The following CLUH variants were observed in gnomAD, a reference collection of about 807,000 sequenced individuals.
CLUH encodes the protein CLUH binding protein of NUMT mRNA, also known as clustered mitochondria protein homolog.
CLUH carries 77 observed loss-of-function variants against 139.3 expected under a neutral mutation model. The ratio of observed to expected loss-of-function variants is 0.55; its 90% confidence interval spans 0.46 to 0.67. The LOEUF (loss-of-function observed/expected upper bound fraction) is 0.67. Among genes scored for constraint, CLUH ranks in the 30% least tolerant of loss-of-function variants. The pLI is 0.00. For synonymous variants in CLUH, 999 were observed against 801.6 expected (o/e 1.25, Z -4.16); for missense variants, 1,876 against 1,875.8 (o/e 1.00, Z 0.00).
Position 2,695,355 on chromosome 17 carries a change from C to T in CLUH, c.2544+19G>A, listed in dbSNP as rs745932367. 6.2e-7 allele frequency: 1 copy of T among 1,613,074 alleles called. No individual in the cohort carries two copies. The highest frequency in any genetic ancestry group is 8.5e-7 in the Non-Finnish European group (1 of 1,179,700). ...CAGTCCCACAGCTCCCGTTCCGCCCCACCCCGGGCAGCACTCACAAAGACG... is the reference window on the plus strand; with the variant it reads ...CAGTCCCACAGCTCCCGTTCCGCCCTACCCCGGGCAGCACTCACAAAGACG... On this transcript the variant is annotated intron_variant, in intron 14 of 25. Coordinates refer to ENST00000651024, the MANE Select transcript of CLUH (RefSeq NM_001366661.1).
rs1428180675 is a variant in CLUH at position 2,696,866 on chromosome 17, G to A, written c.2038C>T (p.Leu680=). Residue 680 remains leucine, a synonymous_variant, in exon 11 of 26, where the codon CTG becomes TTG. Coordinates refer to ENST00000651024, the MANE Select transcript of CLUH (RefSeq NM_001366661.1). Reference sequence around the variant, plus strand: ...AAGGAGGAAGGACCACCATTTTCCAGGGAGGAGGGGGTCTCCAGCTGGCTG... The same window carrying A: ...AAGGAGGAAGGACCACCATTTTCCAAGGAGGAGGGGGTCTCCAGCTGGCTG... ...NASQLETPSS[L]ENGGPSSLES... is the part of the protein sequence containing the mutation. 5 of 1,613,184 alleles carry A rather than the reference G, an allele frequency of 3.1e-6. No individual in the cohort carries two copies. The East Asian group carries it at 1.1e-4, about 36-fold the overall frequency.
intron 16 of CLUH, 27 bp downstream of exon 16, chr17:2,694,830 A>ACCCCCC: frequency 2.7e-6 from 2 of 734,658 alleles, no homozygotes; most frequent in Non-Finnish European, 4.0e-6. Flanking sequence ...AATCCCACCC[A>ACCCCCC]CCCCACCGCC....
At chr17:2,697,541 T>C (rs1448962330) in intron 10 of CLUH, among the ~76,000 whole-genome samples, 2 of 151,766 alleles carry the variant, frequency 1.3e-5, no homozygotes, top group Admixed American at 1.3e-4. Flanking sequence ...GACATGGCCA[T>C]TTCCCCATTT....
intron 10 of CLUH, 146 bp from the exon 11 acceptor site, chr17:2,697,088 C>G: frequency 1.6e-6 from 1 of 633,244 alleles, no homozygotes; most frequent in Non-Finnish European, 2.7e-6. Flanking sequence ...GCAGAAAAAC[C>G]AAGATCTCCC....
intron 1 of CLUH, among the ~76,000 whole-genome samples, chr17:2,708,373 G>A (rs1485578789): frequency 6.6e-6 from 1 of 152,132 alleles, no homozygotes; most frequent in African/African-American, 2.4e-5. Context: ...GGGTGGGGCA[G>A]GGCAGCCTGG....
chr17:2,708,176 C>T (rs894398237), intron 1 of CLUH, among the ~76,000 whole-genome samples: 10 of 152,164 alleles, frequency 6.6e-5, no homozygotes, highest in Non-Finnish European at 1.0e-4. Context: ...CCAGGGTGGG[C>T]GGGAGCCAGG....
At chr17:2,691,934 CCCGCG>C in intron 23 of CLUH, 39 bp from the exon 24 acceptor site, 7 of 1,127,894 alleles carry the variant, frequency 6.2e-6, no homozygotes, top group South Asian at 2.5e-5. Context: ...CCCCCGTGCC[CCCGCG>C]GCCCCGCCCC....
At position 2,701,469 on chromosome 17, in the gene CLUH, C is replaced by G; in HGVS notation, c.796G>C (p.Gly266Arg). The stretch of plus-strand genomic sequence containing the variant: ...AGGTCCCCGTGCATCTTCCGGTTCC[C>G]CGGGGGCGGGTTCCATCCGCTCATG... Reference protein sequence around the residue: ...LTMSGWNPPPGNRKMHGDLMY... With the variant: ...LTMSGWNPPPRNRKMHGDLMY... Residue 266 changes from glycine to arginine, a missense_variant, in exon 6 of 26, where the codon GGG becomes CGG. This residue lies in a region of CLUH where 270 missense variants were observed against 354.7 expected (regional missense o/e 0.76). Coordinates refer to ENST00000651024, the MANE Select transcript of CLUH (RefSeq NM_001366661.1). 6.2e-7 allele frequency: 1 copy of G among 1,613,844 alleles called. No individual in the cohort carries two copies. Among genetic ancestry groups the G allele is most frequent in the Non-Finnish European group, 8.5e-7 (1 of 1,179,858 alleles).
rs765438903 is a variant in CLUH at position 2,692,050 on chromosome 17, G to C, written c.3608C>G (p.Ser1203Trp). 3.1e-6 allele frequency: 5 copies of C among 1,603,892 alleles called. No homozygotes were observed. Among genetic ancestry groups the C allele is most frequent in the Admixed American group, 1.7e-5 (1 of 59,204 alleles). ...RVYESKAEFRSALQHEKEGYT... is the reference protein window; with the variant it reads ...RVYESKAEFRWALQHEKEGYT... ...ACCCTCCTTCTCGTGCTGCAGGGCCGACCGGAACTCAGCTTTGCTCTCGTA... is the reference window on the plus strand; with the variant it reads ...ACCCTCCTTCTCGTGCTGCAGGGCCCACCGGAACTCAGCTTTGCTCTCGTA... The change falls in exon 23 of 26, where the codon TCG becomes TGG. Residue 1203 changes from serine (S) to tryptophan (W), a missense_variant. Coordinates refer to ENST00000651024, the MANE Select transcript of CLUH (RefSeq NM_001366661.1).
rs1290612861 is a variant in CLUH, at chr17:2,690,720, C to T, written c.3921G>A (p.Glu1307=). The T allele has an allele frequency of 1.3e-6, 2 of 1,558,188 alleles. No homozygotes were observed. Among genetic ancestry groups the T allele is most frequent in the Non-Finnish European group, 1.7e-6 (2 of 1,159,990 alleles). Residue 1307 remains glutamate (E), a synonymous_variant, in exon 26 of 26, where the codon GAG becomes GAA. Coordinates refer to ENST00000651024, the MANE Select transcript of CLUH (RefSeq NM_001366661.1). ...CGGCTCTATCCCTGTTTCTGCTGGCCTCCTGGAGCTGGTGCCGCCGCGCCA... is the reference window on the plus strand; with the variant it reads ...CGGCTCTATCCCTGTTTCTGCTGGCTTCCTGGAGCTGGTGCCGCCGCGCCA... ...AEVARRHQLQ[E]ASRNRDRAEE...
At chr17:2,694,790 G>A in intron 16 of CLUH, 67 bp downstream of exon 16, 1 of 1,458,228 alleles carries the variant, frequency 6.9e-7, no homozygotes, top group East Asian at 2.5e-5. Context: ...GACGCCATCT[G>A]GGAGCAGGTG....
intron 19 of CLUH, 189 bp from the exon 20 acceptor site, chr17:2,693,049 C>A (rs944002183): frequency 6.3e-6 from 3 of 474,806 alleles, no homozygotes. Flanking sequence ...GGGCAGGTCA[C>A]GCTCCACAGA....
intron 10 of CLUH, among the ~76,000 whole-genome samples, chr17:2,697,477 A>G (rs778817070): frequency 2.0e-5 from 3 of 151,806 alleles, no homozygotes; most frequent in Non-Finnish European, 4.4e-5. Flanking sequence ...CAGGGCTCTC[A>G]ACAGTGACAG....
Position 2,693,919 on chromosome 17 carries a change from A to T in CLUH, c.3212T>A (p.Ile1071Asn). The part of the protein sequence containing the change: ...CLRLLARLHY[I>N]MGDYAEALSN... ...GGGTACCTCTGCGTAGTCGCCCATG[A>T]TGTAGTGGAGGCGGGCGAGGAGGCG... Residue 1071 changes from isoleucine to asparagine, a missense_variant, in exon 19 of 26, where the codon ATC (isoleucine) becomes AAC (asparagine). Physicochemically the swap from Ile to Asn is moderately radical, Grantham distance 149. This residue lies in a region of CLUH where 1,454 missense variants were observed against 1,384.4 expected (regional missense o/e 1.05). Coordinates refer to ENST00000651024, the MANE Select transcript of CLUH (RefSeq NM_001366661.1). 6.2e-7 allele frequency: 1 copy of T among 1,613,276 alleles called. No individual in the cohort carries two copies. The highest frequency in any genetic ancestry group is 8.5e-7 in the Non-Finnish European group (1 of 1,179,648).
intron 10 of CLUH, among the ~76,000 whole-genome samples, chr17:2,697,262 G>A (rs2069986492): frequency 6.6e-6 from 1 of 152,182 alleles, no homozygotes; most frequent in Admixed American, 6.5e-5. Context: ...AGCTGGGCGT[G>A]GTGGTGCACG....
rs751644085 is a variant in CLUH, at chr17:2,695,481, T to C, written c.2437A>G (p.Thr813Ala). Residue 813 changes from threonine to alanine, a missense_variant, in exon 14 of 26, where the codon ACG becomes GCG. This residue lies in a region of CLUH where 1,454 missense variants were observed against 1,384.4 expected (regional missense o/e 1.05). Transcript: ENST00000651024. ...EHAVLPVDGA[T>A]LAEVMRQRGI... ...CGCTGGCGCATCACCTCTGCCAGCG[T>C]TGCCCCGTCCACGGGCAGGACCGCG... is the stretch of plus-strand genomic sequence containing the variant. The C allele has an allele frequency of 6.2e-7, 1 of 1,609,814 alleles. No homozygotes were observed. The highest frequency in any genetic ancestry group is 8.5e-7 in the Non-Finnish European group (1 of 1,179,728).
rs78299222 is a variant in CLUH at position 2,708,865 on chromosome 17, G to T, written c.100+2697C>A. On this transcript the variant is annotated intron_variant, in intron 1 of 25. Transcript: ENST00000651024. The stretch of plus-strand genomic sequence containing the variant: ...TCCAGGCCTCAGCCTCTACTCGGGG[G>T]GGGGGGAGCAGAACTATCCCAGTCA... 2.2e-3 allele frequency among the ~76,000 whole-genome samples: 170 copies of T among 77,646 alleles called. 4 individuals are homozygous for T. The highest frequency in any genetic ancestry group is 4.2e-3 in the Admixed American group (28 of 6,658). 50.9% of individuals were successfully genotyped at this position (77,646 alleles called of 152,430 possible).
At chr17:2,697,732 G>C (rs2070012875) in intron 10 of CLUH, among the ~76,000 whole-genome samples, 164 bp downstream of exon 10, 2 of 152,238 alleles carry the variant, frequency 1.3e-5, no homozygotes, top group Non-Finnish European at 2.9e-5. Flanking sequence ...TCGGGAGCCT[G>C]ACAGCAGGGC....
At position 2,707,525 on chromosome 17, in the gene CLUH, A is replaced by T; in HGVS notation, c.101-2961T>A. On this transcript the variant is annotated intron_variant, in intron 1 of 25. Transcript: ENST00000651024. The surrounding 1 kb of genome is among the most constrained non-coding windows in gnomAD (Gnocchi z 7.4). ...TCAGGCCCACCTCCCTATGCCCCCT[A>T]GAGAGGGGGTCACTGCCGGCAAAGC... The T allele has an allele frequency of 1.0e-6, 1 of 985,340 alleles. No individual in the cohort carries two copies. The highest frequency in any genetic ancestry group is 1.2e-6 in the Non-Finnish European group (1 of 829,866). The allele number at this position is 985,340 out of a possible 1,614,324, so 61.0% of individuals were successfully genotyped here.
Sources: allele counts gnomAD v4.1 joint callset (sites outside exome capture counted in the v4.1 genomes callset), GRCh38; gene constraint gnomAD v4.1.1; regional missense constraint gnomAD v4.1.1; non-coding constraint Gnocchi (gnomAD v3.1); transcripts MANE v1.5; gene names NCBI Gene and HGNC (gene_info 2026-07-23, HGNC 2026-07-21).